RALGAPA2: variants seen among roughly 807,000 people sequenced by gnomAD.
The protein encoded by RALGAPA2 is ral GTPase-activating protein subunit alpha-2.
Under a neutral mutation model 230.4 loss-of-function variants are expected in RALGAPA2, and 139 were observed. The observed-to-expected ratio is 0.60, with a 90% CI of 0.53 to 0.69. RALGAPA2 has a LOEUF of 0.69. Among genes scored for constraint, RALGAPA2 ranks in the 30% least tolerant of loss-of-function variants. RALGAPA2 has a pLI of 0.00. For missense variants in RALGAPA2, 2,163 were observed against 2,276.0 expected (o/e 0.95, Z 1.01); for synonymous variants, 847 against 837.8 (o/e 1.01, Z -0.19).
Position 20,601,705 on chromosome 20 carries a change from T to C in RALGAPA2, c.2180A>G (p.Asn727Ser), listed in dbSNP as rs2065658861. The C allele has an allele frequency of 1.3e-5, 21 of 1,613,510 alleles. No individual in the cohort carries two copies. The highest frequency in any genetic ancestry group is 1.5e-5 in the Non-Finnish European group (18 of 1,179,680). ...SGAPGVEKAR[N>S]IVRQKATEVE... ...ACCAGTTGCTTTTTGGCGAACAATA[T>C]TTCTTGCCTTTTCCACTCCCGGTGC... The change falls in exon 16 of 40, where the codon AAT (asparagine) becomes AGT (serine). Residue 727 changes from asparagine (N) to serine (S), a missense_variant. Physicochemically the swap from Asn to Ser is conservative, Grantham distance 46. Transcript: ENST00000202677.
At chr20:20,656,770 G>T (rs1210188627) in intron 3 of RALGAPA2, among the ~76,000 whole-genome samples, 1 of 152,112 alleles carries the variant, frequency 6.6e-6, no homozygotes, top group African/African-American at 2.4e-5. Flanking sequence ...ATAGGATCAA[G>T]AACCCAAGCT....
At chr20:20,548,761 T>C (rs1189611149) in intron 23 of RALGAPA2, among the ~76,000 whole-genome samples, 3 of 152,206 alleles carry the variant, frequency 2.0e-5, no homozygotes, top group Non-Finnish European at 4.4e-5. Context: ...ACCTTTTTCA[T>C]AATTAAGCCT....
intron 35 of RALGAPA2, among the ~76,000 whole-genome samples, chr20:20,495,960 T>C (rs772473421): frequency 1.3e-5 from 2 of 152,160 alleles, no homozygotes; most frequent in Non-Finnish European, 2.9e-5. Context: ...CATCTTACTG[T>C]ACAAAAAAGA....
At chr20:20,631,764 T>A (rs1256859041) in intron 9 of RALGAPA2, among the ~76,000 whole-genome samples, 1 of 152,174 alleles carries the variant, frequency 6.6e-6, no homozygotes, top group Non-Finnish European at 1.5e-5. Context: ...CACAACAACT[T>A]ACTGTGAGGT....
intron 37 of RALGAPA2, among the ~76,000 whole-genome samples, chr20:20,416,468 C>T (rs192456534): frequency 6.2e-4 from 95 of 152,304 alleles, no homozygotes; most frequent in African/African-American, 2.2e-3. Context: ...GTCCTCTAAC[C>T]TTTACTGCTT....
chr20:20,557,173 G>T (rs2064108923), intron 23 of RALGAPA2, among the ~76,000 whole-genome samples: 3 of 152,240 alleles, frequency 2.0e-5, no homozygotes, highest in African/African-American at 7.2e-5. Context: ...AGCCGGGCGT[G>T]GTGGTGGGCA....
chr20:20,530,775 A>C, intron 27 of RALGAPA2, among the ~76,000 whole-genome samples: 1 of 152,072 alleles, frequency 6.6e-6, no homozygotes, highest in Non-Finnish European at 1.5e-5. Flanking sequence ...AGAGCCTTGA[A>C]CAAGTTCCTT....
intron 13 of RALGAPA2, among the ~76,000 whole-genome samples, chr20:20,613,065 T>C (rs1174747654): frequency 2.6e-5 from 4 of 152,250 alleles, no homozygotes; most frequent in Non-Finnish European, 5.9e-5. Flanking sequence ...TATGAAAGCT[T>C]GGAAAGGCAT....
intron 37 of RALGAPA2, among the ~76,000 whole-genome samples, chr20:20,434,751 C>T (rs1010569148): frequency 6.6e-6 from 1 of 152,024 alleles, no homozygotes; most frequent in African/African-American, 2.4e-5. Context: ...GTCTGGACAA[C>T]GTGATGAGAC....
intron 36 of RALGAPA2, among the ~76,000 whole-genome samples, chr20:20,477,088 G>A (rs752718103): frequency 5.3e-5 from 8 of 152,186 alleles, no homozygotes; most frequent in Non-Finnish European, 8.8e-5. Flanking sequence ...GATGGGGCAC[G>A]AGCAAGAATT....
intron 37 of RALGAPA2, among the ~76,000 whole-genome samples, chr20:20,448,346 T>C (rs954972878): frequency 2.6e-5 from 4 of 152,204 alleles, no homozygotes; most frequent in African/African-American, 9.6e-5. Context: ...CCATAGGTTG[T>C]CCGGTTGTTA....
At chr20:20,435,886 G>A (rs1414819985) in intron 37 of RALGAPA2, among the ~76,000 whole-genome samples, 3 of 152,178 alleles carry the variant, frequency 2.0e-5, no homozygotes, top group Admixed American at 6.5e-5. Context: ...ATCAAGATTA[G>A]TCTGTGAGCA....
At chr20:20,613,230 T>C (rs2066027375) in intron 13 of RALGAPA2, among the ~76,000 whole-genome samples, 1 of 152,148 alleles carries the variant, frequency 6.6e-6, no homozygotes, top group Non-Finnish European at 1.5e-5. Context: ...CAAGGAGAAC[T>C]GCTCAAAGAG....
chr20:20,551,620 C>T (rs1174631531), intron 23 of RALGAPA2, among the ~76,000 whole-genome samples: 1 of 152,154 alleles, frequency 6.6e-6, no homozygotes. Flanking sequence ...TCCTCTCCTC[C>T]AAAGCACAGT....
At chr20:20,691,628 C>T (rs545359235) in intron 1 of RALGAPA2, among the ~76,000 whole-genome samples, 41 of 152,326 alleles carry the variant, frequency 2.7e-4, no homozygotes, top group African/African-American at 9.9e-4. Flanking sequence ...GAGTTCCACA[C>T]CGCTAATCCA....
chr20:20,645,931 C>G (rs147892867), intron 4 of RALGAPA2, among the ~76,000 whole-genome samples: 1 of 151,460 alleles, frequency 6.6e-6, no homozygotes, highest in Non-Finnish European at 1.5e-5. Flanking sequence ...ATCAGCTATT[C>G]TCTAAGGAAC....
At chr20:20,602,182 G>A (rs1282904661) in intron 15 of RALGAPA2, among the ~76,000 whole-genome samples, 1 of 152,088 alleles carries the variant, frequency 6.6e-6, no homozygotes, top group Non-Finnish European at 1.5e-5. Context: ...CTGTTCCCAG[G>A]ACACTCCAAA....
intron 3 of RALGAPA2, among the ~76,000 whole-genome samples, chr20:20,671,669 A>AAT (rs1389795132): frequency 6.6e-6 from 1 of 152,192 alleles, no homozygotes; most frequent in Non-Finnish European, 1.5e-5. Flanking sequence ...AGCCTTGAAC[A>AAT]ATATATATTT....
intron 35 of RALGAPA2, among the ~76,000 whole-genome samples, chr20:20,497,613 T>C (rs535627290): frequency 9.8e-5 from 15 of 152,358 alleles, no homozygotes; most frequent in East Asian, 3.9e-4. Context: ...TTGCAAAACA[T>C]TGACTGTGAG....
Sources: gnomAD v4.1 joint callset for allele counts (sites outside exome capture counted in the v4.1 genomes callset) on GRCh38, gnomAD v4.1.1 for gene constraint, MANE v1.5 for transcripts, NCBI Gene and HGNC (gene_info 2026-07-23, HGNC 2026-07-21) for gene names.